Variants in RALGPS2 observed in about 807,000 individuals in gnomAD.
RALGPS2 encodes the protein Ral GEF with PH domain and SH3 binding motif 2.
Under a neutral mutation model 86.8 loss-of-function variants are expected in RALGPS2, and 43 were observed. The observed-to-expected ratio is 0.50, with a 90% confidence interval of 0.39 to 0.64. The LOEUF (loss-of-function observed/expected upper bound fraction) is 0.64. Ranked by LOEUF, RALGPS2 falls within the 30% of genes least tolerant of loss-of-function variation. The pLI, the probability that RALGPS2 is intolerant of heterozygous loss-of-function variation, is 0.00. For missense variants in RALGPS2, 536 were observed against 694.6 expected, an observed-to-expected ratio of 0.77 and a Z score of 2.57; for synonymous variants, 243 against 231.3, an observed-to-expected ratio of 1.05 and a Z score of -0.46.
chr1:178,884,825 C>T (rs997309707), intron 11 of RALGPS2, among the ~76,000 whole-genome samples: 1 of 152,154 alleles, frequency 6.6e-6, no homozygotes, highest in African/African-American at 2.4e-5. Context: ...TCTTCTAATT[C>T]TACTTCTTCC....
In RALGPS2 at chr1:178,920,204, G is replaced by T. The variant is rs1256346936; in HGVS notation, c.*3845G>T. 1 of 151,942 alleles carries T rather than the reference G, an allele frequency of 6.6e-6. No individual in the cohort carries two copies. Among genetic ancestry groups the T allele is most frequent in the Admixed American group, 6.6e-5 (1 of 15,242 alleles). The allele number at this position is 151,942 out of a possible 1,614,324, so 9.4% of individuals were successfully genotyped here. A position where few individuals can be genotyped will look rare whatever the true frequency, so the allele number is the denominator to read the frequency against. On this transcript the variant is annotated 3_prime_UTR_variant, in exon 20 of 20. Coordinates refer to ENST00000367635, the MANE Select transcript of RALGPS2 (RefSeq NM_152663.5). ...TGTGAACCTTCTCAAAATGATTTAA[G>T]TACCTTTGATTTTGCTCCCCTAAAA...
chr1:178,882,768 T>TG (rs1659312849), intron 10 of RALGPS2, among the ~76,000 whole-genome samples: 2 of 152,196 alleles, frequency 1.3e-5, no homozygotes, highest in Non-Finnish European at 2.9e-5. Flanking sequence ...TATATTATCC[T>TG]AAATGAAACT....
chr1:178,850,247 GTTTT>G (rs931963771), intron 8 of RALGPS2: 1 of 151,520 alleles, frequency 6.6e-6, no homozygotes, highest in Non-Finnish European at 1.5e-5. Context: ...GATTGGTTGG[GTTTT>G]TTTTTCTTTG....
chr1:178,916,472 C>A lies in RALGPS2; in HGVS notation c.*113C>A. The A allele has an allele frequency of 9.9e-7, 1 of 1,008,106 alleles. No individual in the cohort carries two copies. Among genetic ancestry groups the A allele is most frequent in the South Asian group, 1.6e-5 (1 of 61,338 alleles). The allele number at this position is 1,008,106 out of a possible 1,614,324, so 62.4% of individuals were successfully genotyped here. A position where few individuals can be genotyped will look rare whatever the true frequency, so the allele number is the denominator to read the frequency against. On this transcript the variant is annotated 3_prime_UTR_variant, in exon 20 of 20. Coordinates refer to ENST00000367635, the MANE Select transcript of RALGPS2 (RefSeq NM_152663.5). Reference sequence around the variant, plus strand: ...GCCAGGAAGAGCCCAGAGGCTCTGTCTCAGTCGTTGGAGTTCTCAACCAAA... The same window carrying A: ...GCCAGGAAGAGCCCAGAGGCTCTGTATCAGTCGTTGGAGTTCTCAACCAAA...
intron 8 of RALGPS2, chr1:178,865,137 G>C (rs767182284): frequency 1.3e-6 from 2 of 1,595,748 alleles, no homozygotes; most frequent in Admixed American, 3.4e-5. Flanking sequence ...TGGACAAGTG[G>C]GGGAGACACA....
chr1:178,811,222 C>G, intron 5 of RALGPS2, 93 bp from the exon 6 acceptor site: 1 of 834,730 alleles, frequency 1.2e-6, no homozygotes, highest in Non-Finnish European at 1.8e-6. Context: ...AATTTTAGAG[C>G]TTACCTAATT....
At chr1:178,764,719 G>A (rs1004923297) in intron 1 of RALGPS2, among the ~76,000 whole-genome samples, 12 of 152,166 alleles carry the variant, frequency 7.9e-5, no homozygotes, top group Admixed American at 5.2e-4. Context: ...CGCTTATGAA[G>A]CTTAGTTTGG....
intron 19 of RALGPS2, among the ~76,000 whole-genome samples, chr1:178,912,017 A>G (rs1441610213): frequency 6.6e-6 from 1 of 152,176 alleles, no homozygotes; most frequent in Non-Finnish European, 1.5e-5. Flanking sequence ...ATATAAGACT[A>G]GCAACCTTTG....
intron 8 of RALGPS2, among the ~76,000 whole-genome samples, chr1:178,876,836 G>A (rs1659027869): frequency 6.6e-6 from 1 of 152,074 alleles, no homozygotes; most frequent in Non-Finnish European, 1.5e-5. Context: ...GGTACAAAAA[G>A]CATGGAGGGT....
Position 178,916,586 on chromosome 1 carries a change from C to G in RALGPS2, c.*227C>G. ...AACTGCCATGAACCATGCTTCTTAT[C>G]TCAGAACTGACCTGTGGAAACCACT... On this transcript the variant is annotated 3_prime_UTR_variant, in exon 20 of 20. Transcript: ENST00000367635. 2.0e-6 allele frequency: 1 copy of G among 498,764 alleles called. No individual in the cohort carries two copies. The highest frequency in any genetic ancestry group is 3.5e-6 in the Non-Finnish European group (1 of 286,702). The allele number at this position is 498,764 out of a possible 1,614,324, so 30.9% of individuals were successfully genotyped here.
intron 4 of RALGPS2, among the ~76,000 whole-genome samples, 165 bp downstream of exon 4, chr1:178,785,772 C>T (rs578017136): frequency 2.0e-5 from 3 of 152,004 alleles, no homozygotes; most frequent in African/African-American, 7.2e-5. Flanking sequence ...ACGTGGCATT[C>T]ATAGCAATAC....
intron 7 of RALGPS2, among the ~76,000 whole-genome samples, chr1:178,832,870 C>G (rs1656094190): frequency 6.6e-6 from 1 of 150,602 alleles, no homozygotes; most frequent in Non-Finnish European, 1.5e-5. Context: ...ACAACAGTAT[C>G]TTTTAGTTAT....
chr1:178,859,872 A>G (rs1657878669), intron 8 of RALGPS2, among the ~76,000 whole-genome samples: 1 of 105,270 alleles, frequency 9.5e-6, no homozygotes, highest in Non-Finnish European at 1.8e-5. Context: ...GCCCGCCACC[A>G]CGCCTGGCTA....
chr1:178,846,912 A>G (rs1378723627), intron 8 of RALGPS2, among the ~76,000 whole-genome samples: 1 of 152,258 alleles, frequency 6.6e-6, no homozygotes, highest in Admixed American at 6.5e-5. Context: ...TATCTAATAC[A>G]TAACAGCAGT....
chr1:178,782,667 C>T (rs1653450619), intron 2 of RALGPS2, among the ~76,000 whole-genome samples: 2 of 151,776 alleles, frequency 1.3e-5, no homozygotes, highest in South Asian at 4.2e-4. Context: ...TACACACACA[C>T]ACCCTGCCTT....
chr1:178,838,207 A>G (rs1656384826), intron 8 of RALGPS2, among the ~76,000 whole-genome samples: 1 of 152,208 alleles, frequency 6.6e-6, no homozygotes, highest in Non-Finnish European at 1.5e-5. Context: ...TTGAGATCTG[A>G]GAACAGACAG....
At chr1:178,777,271 A>G (rs979346193) in intron 2 of RALGPS2, among the ~76,000 whole-genome samples, 1 of 152,120 alleles carries the variant, frequency 6.6e-6, no homozygotes, top group African/African-American at 2.4e-5. Flanking sequence ...CAGCCAAATC[A>G]TGAGTGAACT....
chr1:178,730,133 G>T (rs1363614646), intron 1 of RALGPS2, among the ~76,000 whole-genome samples: 1 of 152,032 alleles, frequency 6.6e-6, no homozygotes, highest in Non-Finnish European at 1.5e-5. Context: ...GTAGAGACGG[G>T]TTTTCACCAT....
intron 19 of RALGPS2, among the ~76,000 whole-genome samples, chr1:178,911,680 A>G (rs1399916757): frequency 1.3e-5 from 2 of 152,156 alleles, no homozygotes; most frequent in Non-Finnish European, 2.9e-5. Flanking sequence ...AAAAGAATGT[A>G]TATTCTTGTG....
Sources: allele counts gnomAD v4.1 joint callset (sites outside exome capture counted in the v4.1 genomes callset), GRCh38; gene constraint gnomAD v4.1.1; transcripts MANE v1.5; gene names NCBI Gene and HGNC (gene_info 2026-07-23, HGNC 2026-07-21).